The following ELAVL4 variants were observed in gnomAD, a reference collection of about 807,000 sequenced individuals.
ELAVL4 encodes ELAV-like protein 4.
Under a neutral mutation model 35.6 loss-of-function variants are expected in ELAVL4, and 1 was observed. The observed-to-expected ratio is 0.03, with a 90% CI of 0.01 to 0.13. The LOEUF (loss-of-function observed/expected upper bound fraction) is 0.13. Among genes scored for constraint, ELAVL4 ranks in the 10% least tolerant of loss-of-function variants. ELAVL4 has a pLI of 1.00. For synonymous variants in ELAVL4, 156 were observed against 171.0 expected (o/e 0.91, Z 0.69); for missense variants, 267 against 464.9 (o/e 0.57, Z 3.91).
intron 1 of ELAVL4, among the ~76,000 whole-genome samples, chr1:50,080,963 A>G (rs1664982186): frequency 6.6e-6 from 1 of 152,216 alleles, no homozygotes; most frequent in Non-Finnish European, 1.5e-5. Context: ...ATGTATCTCT[A>G]AAAGTGTGAC....
chr1:50,132,839 A>G (rs536322983), intron 1 of ELAVL4, among the ~76,000 whole-genome samples: 1 of 152,330 alleles, frequency 6.6e-6, no homozygotes, highest in East Asian at 1.9e-4. Context: ...CTGTAAAAAC[A>G]AAACAGAGTT....
intron 3 of ELAVL4, among the ~76,000 whole-genome samples, chr1:50,185,731 G>T (rs551818414): frequency 4.6e-5 from 7 of 152,156 alleles, no homozygotes; most frequent in Admixed American, 3.3e-4. Flanking sequence ...GAGAGGGGGG[G>T]ACTTTTTTCC....
Position 50,130,316 on chromosome 1 carries a change from A to T in ELAVL4, c.10-14641A>T, listed in dbSNP as rs561428106. On this transcript the variant is annotated intron_variant, in intron 1 of 6. Coordinates refer to ENST00000371824, the MANE Select transcript of ELAVL4 (RefSeq NM_001144774.3). ...CAAATTTGGTTTCAGCCTTGGGTTCAAGTTACAGTCCTAGTTAAGTGACAG... is the reference window on the plus strand; with the variant it reads ...CAAATTTGGTTTCAGCCTTGGGTTCTAGTTACAGTCCTAGTTAAGTGACAG... 2.1e-4 allele frequency among the ~76,000 whole-genome samples: 32 copies of T among 152,260 alleles called. 1 individual carries two copies. In the South Asian group the frequency reaches 6.2e-3, roughly 30 times the overall value.
At chr1:50,177,064 C>T (rs76680491) in intron 2 of ELAVL4, 25 bp from the exon 3 acceptor site, 1 of 1,584,552 alleles carries the variant, frequency 6.3e-7, no homozygotes, top group Non-Finnish European at 8.7e-7. Flanking sequence ...CTCCCTTTCT[C>T]TCTCTCTTTT....
At chr1:50,176,488 G>A (rs528488110) in intron 2 of ELAVL4, among the ~76,000 whole-genome samples, 1 of 152,180 alleles carries the variant, frequency 6.6e-6, no homozygotes, top group Non-Finnish European at 1.5e-5. Context: ...CACTGCTACT[G>A]TGTCCAGCAC....
intron 2 of ELAVL4, among the ~76,000 whole-genome samples, chr1:50,166,838 C>A (rs1355866382): frequency 1.3e-5 from 2 of 152,202 alleles, no homozygotes; most frequent in Non-Finnish European, 2.9e-5. Flanking sequence ...CCCTTCTTAG[C>A]CTGTTGACTT....
chr1:50,193,841 C>T lies in ELAVL4; in HGVS notation c.431C>T (p.Thr144Ile), dbSNP rs763306293. 4 of 1,613,946 alleles carry T rather than the reference C, an allele frequency of 2.5e-6. No homozygotes were observed. Among genetic ancestry groups the T allele is most frequent in the Non-Finnish European group, 3.4e-6 (4 of 1,179,988 alleles). ...GTTAGCGGCCTTCCCAAAACCATGA[C>T]CCAGAAGGAACTGGAGCAACTTTTC... Reference protein sequence around the residue: ...LYVSGLPKTMTQKELEQLFSQ... With the variant: ...LYVSGLPKTMIQKELEQLFSQ... The change falls in exon 4 of 7, where the codon ACC becomes ATC. Residue 144 changes from threonine (T) to isoleucine (I), a missense_variant. Thr to Ile is a moderately conservative substitution (Grantham distance 89, BLOSUM62 -1). This residue lies in a region of ELAVL4 where 216 missense variants were observed against 409.5 expected (regional missense o/e 0.53). Coordinates refer to ENST00000371824, the MANE Select transcript of ELAVL4 (RefSeq NM_001144774.3).
At chr1:50,115,197 A>G (rs1381814153) in intron 1 of ELAVL4, 1 of 152,072 alleles carries the variant, frequency 6.6e-6, no homozygotes, top group Non-Finnish European at 1.5e-5. Flanking sequence ...TCCTTGTTGT[A>G]TCTAATACCA....
intron 2 of ELAVL4, among the ~76,000 whole-genome samples, chr1:50,152,778 G>A (rs1038391360): frequency 6.6e-6 from 1 of 152,110 alleles, no homozygotes; most frequent in Non-Finnish European, 1.5e-5. Context: ...TTTTTCTACA[G>A]TCCCAAAATT....
chr1:50,158,162 C>T (rs1052499553), intron 2 of ELAVL4, among the ~76,000 whole-genome samples: 8 of 152,166 alleles, frequency 5.3e-5, no homozygotes, highest in African/African-American at 1.9e-4. Flanking sequence ...CCCAGAACAA[C>T]ACCTGGCATA....
In ELAVL4 at chr1:50,057,164, T is replaced by C. The variant is rs1663720589; in HGVS notation, c.18+8982T>C. ...GCCTAGGCTACTGTGTGCATTCTTA[T>C]CTTCATTTTTAACTGCAAAGGTTTT... On this transcript the variant is annotated intron_variant, in intron 1 of 6. Coordinates refer to the ELAVL4 transcript ENST00000448907. 2.0e-5 allele frequency among the ~76,000 whole-genome samples: 3 copies of C among 151,554 alleles called. No individual in the cohort carries two copies. The South Asian group carries it at 6.3e-4, about 32-fold the overall frequency.
upstream of ELAVL4, chr1:50,106,522 A>T (rs1250745862): frequency 3.0e-6 from 2 of 677,812 alleles, no homozygotes; most frequent in East Asian, 2.7e-5. Context: ...AAAATCATGC[A>T]TGACTGGGAG....
intron 3 of ELAVL4, among the ~76,000 whole-genome samples, chr1:50,187,393 T>C (rs1681997524): frequency 6.6e-6 from 1 of 152,226 alleles, no homozygotes; most frequent in Non-Finnish European, 1.5e-5. Flanking sequence ...ATGCATTTTC[T>C]TGTTTAACCC....
intron 1 of ELAVL4, among the ~76,000 whole-genome samples, chr1:50,098,764 T>C (rs12029147): frequency 6.6e-6 from 1 of 152,164 alleles, no homozygotes; most frequent in African/African-American, 2.4e-5. Context: ...AAGTGGAGAG[T>C]TGCCTCTTTC....
chr1:50,122,417 C>CT (rs1466248684), intron 1 of ELAVL4, among the ~76,000 whole-genome samples: 1 of 152,078 alleles, frequency 6.6e-6, no homozygotes, highest in African/African-American at 2.4e-5. Context: ...TAGGCATTCA[C>CT]TAAAGATTTA....
intron 2 of ELAVL4, chr1:50,174,366 GTCC>G (rs950327282): frequency 1.3e-5 from 2 of 152,056 alleles, no homozygotes; most frequent in African/African-American, 2.4e-5. Flanking sequence ...TTCTGCCTCT[GTCC>G]TCCTCTTGTT....
intron 2 of ELAVL4, among the ~76,000 whole-genome samples, chr1:50,147,984 A>G (rs939010128): frequency 1.3e-5 from 2 of 152,208 alleles, no homozygotes; most frequent in Admixed American, 6.5e-5. Context: ...TTGTCAATGA[A>G]TTCTCCGTTT....
At chr1:50,079,478 T>C (rs1664914652) in intron 1 of ELAVL4, among the ~76,000 whole-genome samples, 1 of 152,156 alleles carries the variant, frequency 6.6e-6, no homozygotes, top group African/African-American at 2.4e-5. Context: ...TGAGTCAGGG[T>C]GAGGGTGTCA....
chr1:50,067,492 T>C (rs1268142514), intron 1 of ELAVL4, among the ~76,000 whole-genome samples: 1 of 152,186 alleles, frequency 6.6e-6, no homozygotes, highest in East Asian at 1.9e-4. Context: ...TATGTATGTA[T>C]ATAAATATGC....
Sources: gnomAD v4.1 joint callset for allele counts (sites outside exome capture counted in the v4.1 genomes callset) on GRCh38, gnomAD v4.1.1 for gene constraint, gnomAD v4.1.1 regional missense constraint, MANE v1.5 for transcripts, NCBI Gene and HGNC (gene_info 2026-07-23, HGNC 2026-07-21) for gene names.